Variants in FSCN3 observed in about 807,000 individuals in gnomAD.
The protein encoded by FSCN3 is fascin-3.
In FSCN3, 43 loss-of-function variants were observed where a neutral mutation model predicts 53.5. The observed-to-expected ratio is 0.80, with a 90% CI of 0.63 to 1.04. FSCN3 has a LOEUF of 1.04. Among genes scored for constraint, FSCN3 ranks in the 50% least tolerant of loss-of-function variants. The probability of loss-of-function intolerance (pLI) is 0.00; values close to 1 mark genes in which losing one functional copy is unlikely to be tolerated. For synonymous variants in FSCN3, 235 were observed against 246.6 expected (o/e 0.95, Z 0.44); for missense variants, 594 against 646.5 (o/e 0.92, Z 0.88).
intron 3 of FSCN3, among the ~76,000 whole-genome samples, chr7:127,597,473 G>C (rs911227849): frequency 2.0e-5 from 3 of 148,106 alleles, no homozygotes; most frequent in Non-Finnish European, 3.0e-5. Flanking sequence ...AATTAGTAAG[G>C]TTTAGAATTT....
At position 127,593,871 on chromosome 7, in the gene FSCN3, G is replaced by T; in HGVS notation, c.18G>T (p.Trp6Cys). 2 of 1,572,610 alleles carry T rather than the reference G, an allele frequency of 1.3e-6. No individual in the cohort carries two copies. The highest frequency in any genetic ancestry group is 1.7e-6 in the Non-Finnish European group (2 of 1,158,672). Residue 6 changes from tryptophan (W) to cysteine (C), a missense_variant, in exon 1 of 7, where the codon TGG becomes TGT. Transcript: ENST00000265825. MDETE[W>C]IHRHPKAEDL... Reference sequence around the variant, plus strand: ...TCAGCCCCATGGATGAGACAGAGTGGATACACAGACATCCCAAGGCTGAGG... The same window carrying T: ...TCAGCCCCATGGATGAGACAGAGTGTATACACAGACATCCCAAGGCTGAGG...
intron 3 of FSCN3, 137 bp from the exon 4 acceptor site, chr7:127,598,298 T>A: frequency 2.5e-6 from 2 of 797,626 alleles, no homozygotes; most frequent in Non-Finnish European, 4.2e-6. Context: ...AAAAAGGTTC[T>A]GAAAGCATCA....
chr7:127,594,809 T>C (rs1168667446), intron 1 of FSCN3: 1 of 471,626 alleles, frequency 2.1e-6, no homozygotes, highest in Non-Finnish European at 4.4e-6. Context: ...GGCAGTTGCA[T>C]CTGAACTGTT....
In FSCN3 at chr7:127,595,547, G is replaced by T. The variant is rs758448650; in HGVS notation, c.385G>T (p.Val129Phe). The change falls in exon 2 of 7, where the codon GTC becomes TTC. Residue 129 changes from valine (V) to phenylalanine (F), a missense_variant. Physicochemically the swap from Val to Phe is conservative, Grantham distance 50. Coordinates refer to ENST00000265825, the MANE Select transcript of FSCN3 (RefSeq NM_020369.3). Reference protein sequence around the residue: ...NGKDVFCTSHVLSAYHMWTPR... With the variant: ...NGKDVFCTSHFLSAYHMWTPR... ...CAAGGACGTGTTTTGCACTTCCCAC[G>T]TCCTCTCAGCTTACCACATGTGGAC... 2 of 1,614,052 alleles carry T rather than the reference G, an allele frequency of 1.2e-6. No homozygotes were observed. Among genetic ancestry groups the T allele is most frequent in the East Asian group, 2.2e-5 (1 of 44,880 alleles).
intron 3 of FSCN3, 174 bp downstream of exon 3, chr7:127,596,620 A>T: frequency 2.4e-6 from 1 of 414,488 alleles, no homozygotes. Flanking sequence ...AAAAAACAAA[A>T]ATCAACTTTA....
intron 1 of FSCN3, chr7:127,594,524 G>T (rs1176517192): frequency 6.4e-6 from 3 of 470,752 alleles, no homozygotes; most frequent in East Asian, 1.4e-4. Context: ...AAGAAGAGAA[G>T]TGGAGAGCAC....
At chr7:127,597,264 A>G (rs1393438387) in intron 3 of FSCN3, among the ~76,000 whole-genome samples, 1 of 152,188 alleles carries the variant, frequency 6.6e-6, no homozygotes, top group Non-Finnish European at 1.5e-5. Flanking sequence ...AGGTTGTATA[A>G]TAGATATGTG....
rs555051252 is a variant in FSCN3, at chr7:127,596,215, C to G, written c.842-113C>G. On this transcript the variant is annotated intron_variant, in intron 2 of 6. Coordinates refer to ENST00000265825, the MANE Select transcript of FSCN3 (RefSeq NM_020369.3). ...AGGTCTTCTCCAGACCTACCATGGT[C>G]CAACAGAAAGTGATGAAGTTTGAGG... 190 of 1,527,628 alleles carry G rather than the reference C, an allele frequency of 1.2e-4. 1 individual carries two copies. The African/African-American group carries it at 2.4e-3, about 19-fold the overall frequency. 94.6% of individuals were successfully genotyped at this position (1,527,628 alleles called of 1,614,324 possible).
chr7:127,598,403 C>G, intron 3 of FSCN3, 32 bp from the exon 4 acceptor site: 1 of 1,602,262 alleles, frequency 6.2e-7, no homozygotes, highest in Non-Finnish European at 8.5e-7. Flanking sequence ...TCAGTCCTTA[C>G]TCCTCATCTC....
chr7:127,598,304 C>T (rs1794420868), intron 3 of FSCN3, 131 bp from the exon 4 acceptor site: 2 of 831,084 alleles, frequency 2.4e-6, no homozygotes, highest in Admixed American at 2.2e-5. Context: ...GTTCTGAAAG[C>T]ATCAACTCTG....
intron 1 of FSCN3, 119 bp downstream of exon 1, chr7:127,594,116 C>T: frequency 8.1e-7 from 1 of 1,240,850 alleles, no homozygotes; most frequent in African/African-American, 1.6e-5. Flanking sequence ...ATGTACTTGC[C>T]TGTATATGAA....
At position 127,594,015 on chromosome 7, in the gene FSCN3, T is replaced by C. The variant is rs374344707; in HGVS notation, c.144+18T>C. The C allele has an allele frequency of 3.1e-6, 5 of 1,611,932 alleles. No homozygotes were observed. Among genetic ancestry groups the C allele is most frequent in the Non-Finnish European group, 4.2e-6 (5 of 1,179,126 alleles). On this transcript the variant is annotated intron_variant, in intron 1 of 6. Coordinates refer to ENST00000265825, the MANE Select transcript of FSCN3 (RefSeq NM_020369.3). ...GGAGACAGGTGACAAAGCAAACCCA[T>C]GCTGGCACCAGTTTTCTGAGTGGCC...
In FSCN3 at chr7:127,598,452, A is replaced by T. The variant is rs767540241; in HGVS notation, c.978A>T (p.Val326=). 7 of 1,613,906 alleles carry T rather than the reference A, an allele frequency of 4.3e-6. No homozygotes were observed. Among genetic ancestry groups the T allele is most frequent in the African/African-American group, 1.3e-5 (1 of 74,938 alleles). ...CTTTCCAGAGGCGCCACAGGGCAGT[A>T]ATGGCTGATGGGCACCCCCTGGAGT... The part of the protein sequence containing the change: ...YYLSQRRHRA[V]MADGHPLESD... Residue 326 remains valine, a synonymous_variant, in exon 4 of 7, where the codon GTA becomes GTT. Coordinates refer to ENST00000265825, the MANE Select transcript of FSCN3 (RefSeq NM_020369.3).
intron 5 of FSCN3, 98 bp downstream of exon 5, chr7:127,599,649 A>G: frequency 8.2e-7 from 1 of 1,213,308 alleles, no homozygotes; most frequent in Non-Finnish European, 1.2e-6. Flanking sequence ...CTTGCTCATT[A>G]TAAAAGGAAA....
At chr7:127,594,393 A>G (rs569275548) in intron 1 of FSCN3, 6 of 462,264 alleles carry the variant, frequency 1.3e-5, no homozygotes, top group Admixed American at 1.2e-4. Flanking sequence ...CACAGACCCT[A>G]TTGCCCCATC....
chr7:127,594,992 T>G (rs1414154544), intron 1 of FSCN3: 3 of 493,374 alleles, frequency 6.1e-6, no homozygotes, highest in Non-Finnish European at 7.5e-6. Context: ...TCTTTAAAAA[T>G]TAGGTATTGA....
chr7:127,595,664 G>A lies in FSCN3; in HGVS notation c.502G>A (p.Val168Met). ...RADPTMGRIW[V>M]DAAVPCLEEC... is the part of the protein sequence containing the mutation. ...TGACCCCACTATGGGCCGCATCTGG[G>A]TGGACGCAGCAGTTCCCTGCCTGGA... Residue 168 changes from valine (V) to methionine (M), a missense_variant, in exon 2 of 7, where the codon GTG becomes ATG. By Grantham distance (21) the Val-to-Met change is conservative (BLOSUM62 1). Coordinates refer to ENST00000265825, the MANE Select transcript of FSCN3 (RefSeq NM_020369.3). 6.2e-7 allele frequency: 1 copy of A among 1,613,980 alleles called. No homozygotes were observed. Among genetic ancestry groups the A allele is most frequent in the South Asian group, 1.1e-5 (1 of 91,074 alleles).
chr7:127,596,282 G>A (rs777745693), intron 2 of FSCN3, 46 bp from the exon 3 acceptor site: 3 of 1,548,764 alleles, frequency 1.9e-6, no homozygotes, highest in South Asian at 2.2e-5. Flanking sequence ...TGGAGGAGGG[G>A]CCGAGACTGA....
intron 5 of FSCN3, 67 bp downstream of exon 5, chr7:127,599,618 T>G: frequency 2.7e-6 from 4 of 1,461,902 alleles, no homozygotes; most frequent in Non-Finnish European, 3.8e-6. Context: ...CAGCTCAGAC[T>G]TCAGGGCCTG....
Sources: allele counts gnomAD v4.1 joint callset (sites outside exome capture counted in the v4.1 genomes callset), GRCh38; gene constraint gnomAD v4.1.1; transcripts MANE v1.5; gene names NCBI Gene and HGNC (gene_info 2026-07-23, HGNC 2026-07-21).